Variants in TNFRSF21 observed in about 807,000 individuals in gnomAD.
TNFRSF21 encodes the protein tumor necrosis factor receptor superfamily member 21.
TNFRSF21 carries 19 observed loss-of-function variants against 45.6 expected under a neutral mutation model. That is an observed-to-expected ratio of 0.42 (90% CI 0.29 to 0.61). The LOEUF is 0.61. Among genes scored for constraint, TNFRSF21 ranks in the 20% least tolerant of loss-of-function variants. The probability of loss-of-function intolerance (pLI) is 0.23; values close to 1 mark genes in which losing one functional copy is unlikely to be tolerated. For synonymous variants in TNFRSF21, 314 were observed against 335.5 expected, an observed-to-expected ratio of 0.94 and a Z score of 0.70; for missense variants, 737 against 851.5, an observed-to-expected ratio of 0.87 and a Z score of 1.67.
At chr6:47,245,475 T>TGTGTGTGC (rs1317137080) in intron 4 of TNFRSF21, among the ~76,000 whole-genome samples, 3 of 151,628 alleles carry the variant, frequency 2.0e-5, no homozygotes, top group South Asian at 2.1e-4. Context: ...TGTGTGTGTG[T>TGTGTGTGC]GTGTTGGGCA....
intron 1 of TNFRSF21, among the ~76,000 whole-genome samples, chr6:47,291,626 G>A (rs1171497365): frequency 6.6e-6 from 1 of 152,214 alleles, no homozygotes; most frequent in East Asian, 1.9e-4. Flanking sequence ...ATGCTCCTTG[G>A]ACCAGGGAGG....
At chr6:47,269,809 T>A (rs1342902012) in intron 3 of TNFRSF21, among the ~76,000 whole-genome samples, 1 of 152,222 alleles carries the variant, frequency 6.6e-6, no homozygotes, top group African/African-American at 2.4e-5. Context: ...GCTAAAGATA[T>A]ACCCTGTGGA....
intron 3 of TNFRSF21, among the ~76,000 whole-genome samples, chr6:47,278,707 G>A (rs1762529788): frequency 6.6e-6 from 1 of 152,170 alleles, no homozygotes; most frequent in Non-Finnish European, 1.5e-5. Flanking sequence ...AGAGCTAAAG[G>A]AATGAAGAAA....
intron 1 of TNFRSF21, among the ~76,000 whole-genome samples, chr6:47,295,138 G>T (rs1273195263): frequency 6.6e-6 from 1 of 152,120 alleles, no homozygotes; most frequent in African/African-American, 2.4e-5. Context: ...AAAACTCCCT[G>T]GGTCTCAGCA....
At chr6:47,300,745 A>T (rs1386222982) in intron 1 of TNFRSF21, among the ~76,000 whole-genome samples, 1 of 152,086 alleles carries the variant, frequency 6.6e-6, no homozygotes, top group African/African-American at 2.4e-5. Flanking sequence ...TCCTCCTGGC[A>T]TACTCTTCCT....
At chr6:47,233,143 G>A in intron 5 of TNFRSF21, 149 bp from the exon 6 acceptor site, 1 of 684,722 alleles carries the variant, frequency 1.5e-6, no homozygotes, top group South Asian at 1.9e-5. Flanking sequence ...GAGAGTGAGT[G>A]ATCCTCTGGC....
At chr6:47,238,370 C>G (rs990060043) in intron 4 of TNFRSF21, among the ~76,000 whole-genome samples, 4 of 152,220 alleles carry the variant, frequency 2.6e-5, no homozygotes, top group Non-Finnish European at 5.9e-5. Context: ...ATTTGAAGCT[C>G]CTTTGGAGAA....
intron 3 of TNFRSF21, among the ~76,000 whole-genome samples, chr6:47,266,713 A>C (rs957580359): frequency 1.3e-5 from 2 of 152,182 alleles, no homozygotes; most frequent in Non-Finnish European, 2.9e-5. Context: ...GGTTGGTTGT[A>C]GGTTGTTTTC....
At chr6:47,234,128 C>T (rs1399179996) in intron 5 of TNFRSF21, among the ~76,000 whole-genome samples, 1 of 152,066 alleles carries the variant, frequency 6.6e-6, no homozygotes, top group East Asian at 1.9e-4. Flanking sequence ...GTAGCTGGAA[C>T]TACAGCGGGC....
chr6:47,253,486 C>T lies in TNFRSF21; in HGVS notation c.1279G>A (p.Gly427Arg). The change falls in exon 4 of 6, where the codon GGA becomes AGA. Residue 427 changes from glycine (G) to arginine (R), a missense_variant. Physicochemically the swap from Gly to Arg is moderately radical, Grantham distance 125. Transcript: ENST00000296861. ...DILKLVAAQV[G>R]SQWKDIYQFL... ...TGATAGATATCTTTCCACTGGCTTC[C>T]CACTTGGGCTGCTACAAGCTTCAGG... 6.2e-7 allele frequency: 1 copy of T among 1,613,388 alleles called. No individual in the cohort carries two copies. Among genetic ancestry groups the T allele is most frequent in the South Asian group, 1.1e-5 (1 of 91,084 alleles).
Position 47,232,912 on chromosome 6 carries a change from T to C in TNFRSF21, c.1821A>G (p.Leu607=). ...QPIFDDMLHF[L]NPEELRVIEE... is the part of the protein sequence containing the mutation. ...CAATCACCCGCAGCTCCTCAGGATT[T>C]AGAAAGTGGAGCATGTCATCAAAGA... The change falls in exon 6 of 6, where the codon CTA becomes CTG. Residue 607 remains leucine, a synonymous_variant. Transcript: ENST00000296861. The C allele has an allele frequency of 2.5e-6, 4 of 1,614,130 alleles. No homozygotes were observed. The highest frequency in any genetic ancestry group is 3.4e-6 in the Non-Finnish European group (4 of 1,180,022).
intron 4 of TNFRSF21, among the ~76,000 whole-genome samples, chr6:47,248,425 A>C (rs1764852739): frequency 6.6e-6 from 1 of 152,172 alleles, no homozygotes; most frequent in Admixed American, 6.5e-5. Flanking sequence ...GCCAAGGCGC[A>C]GGGAAAGAGT....
chr6:47,267,508 C>T (rs56980258), intron 3 of TNFRSF21, among the ~76,000 whole-genome samples: 3 of 152,064 alleles, frequency 2.0e-5, no homozygotes, highest in African/African-American at 4.8e-5. Flanking sequence ...TTCTTCTGGC[C>T]TATGTGACTC....
rs79604200 is a variant in TNFRSF21, at chr6:47,280,310, C to T, written c.1243+3628G>A. On this transcript the variant is annotated intron_variant, in intron 3 of 5. Coordinates refer to ENST00000296861, the MANE Select transcript of TNFRSF21 (RefSeq NM_014452.5). ...AGGACCAGGAAAAGATCTTATTATACGGGATTATCTGCTGGCCAGAACTCA... is the reference window on the plus strand; with the variant it reads ...AGGACCAGGAAAAGATCTTATTATATGGGATTATCTGCTGGCCAGAACTCA... Among the ~76,000 whole-genome samples, 75 of 152,234 alleles carry T rather than the reference C, an allele frequency of 4.9e-4. No homozygotes were observed. In the East Asian group the frequency reaches 0.014, roughly 29 times the overall value.
At chr6:47,296,480 T>C (rs549045952) in intron 1 of TNFRSF21, among the ~76,000 whole-genome samples, 9 of 152,196 alleles carry the variant, frequency 5.9e-5, no homozygotes, top group African/African-American at 2.2e-4. Flanking sequence ...GAGATGATTG[T>C]CGGCTGGGGG....
rs7749346 is a variant in TNFRSF21 at position 47,290,645 on chromosome 6, C to A, written c.97-4050G>T. Among the ~76,000 whole-genome samples, 1,349 of 152,226 alleles carry A rather than the reference C, an allele frequency of 8.9e-3. 24 individuals carry two copies. Among genetic ancestry groups the A allele is most frequent in the African/African-American group, 0.031 (1,272 of 41,476 alleles). ...TCGGCCCTGTTTAAACTGTTTCATACTGGGTAACCCACTTTAGACAATGTG... is the reference window on the plus strand; with the variant it reads ...TCGGCCCTGTTTAAACTGTTTCATAATGGGTAACCCACTTTAGACAATGTG... On this transcript the variant is annotated intron_variant, in intron 1 of 5. Transcript: ENST00000296861.
intron 4 of TNFRSF21, among the ~76,000 whole-genome samples, chr6:47,245,231 A>G (rs1187826706): frequency 1.3e-5 from 2 of 152,154 alleles, no homozygotes; most frequent in Non-Finnish European, 2.9e-5. Flanking sequence ...ATATATTCTC[A>G]AGTCTGGCTC....
At chr6:47,254,499 C>T (rs945615432) in intron 3 of TNFRSF21, among the ~76,000 whole-genome samples, 3 of 152,176 alleles carry the variant, frequency 2.0e-5, no homozygotes, top group East Asian at 1.9e-4. Context: ...GTTAGAGGCT[C>T]CCATCTAAAA....
chr6:47,267,871 A>C (rs1441955446), intron 3 of TNFRSF21, among the ~76,000 whole-genome samples: 1 of 152,156 alleles, frequency 6.6e-6, no homozygotes, highest in Non-Finnish European at 1.5e-5. Flanking sequence ...TATCAACCCC[A>C]TCTTTCTGAA....
Sources: gnomAD v4.1 joint callset for allele counts (sites outside exome capture counted in the v4.1 genomes callset) on GRCh38, gnomAD v4.1.1 for gene constraint, MANE v1.5 for transcripts, NCBI Gene and HGNC (gene_info 2026-07-23, HGNC 2026-07-21) for gene names.